The following PDE10A variants were observed in gnomAD, a reference collection of about 807,000 sequenced individuals.
PDE10A encodes phosphodiesterase 10A, also known as cAMP and cAMP-inhibited cGMP 3',5'-cyclic phosphodiesterase 10A.
Under a neutral mutation model 97.7 loss-of-function variants are expected in PDE10A, and 39 were observed. The ratio of observed to expected loss-of-function variants is 0.40; its 90% CI spans 0.31 to 0.52. The LOEUF is 0.52. Among genes scored for constraint, PDE10A ranks in the 20% least tolerant of loss-of-function variants. PDE10A has a pLI of 0.56. For synonymous variants in PDE10A, 371 were observed against 376.8 expected (o/e 0.98, Z 0.18); for missense variants, 731 against 1,047.8 (o/e 0.70, Z 4.17).
chr6:165,654,745 T>C (rs970863817), intron 1 of PDE10A, among the ~76,000 whole-genome samples: 2 of 152,142 alleles, frequency 1.3e-5, no homozygotes, highest in Non-Finnish European at 2.9e-5. Flanking sequence ...CATCAGGTAT[T>C]ATCCATGCCA....
chr6:165,458,681 ACACT>A (rs1192885959), intron 3 of PDE10A, among the ~76,000 whole-genome samples: 3 of 151,734 alleles, frequency 2.0e-5, no homozygotes, highest in Admixed American at 1.3e-4. Flanking sequence ...ACACACACAC[ACACT>A]CACACACACA....
chr6:165,532,297 T>C (rs923993628), intron 2 of PDE10A, among the ~76,000 whole-genome samples: 8 of 151,594 alleles, frequency 5.3e-5, no homozygotes, highest in African/African-American at 1.7e-4. Context: ...GGAGAATAGA[T>C]AGATTCTCCT....
intron 1 of PDE10A, among the ~76,000 whole-genome samples, chr6:165,791,236 A>G (rs1778641240): frequency 6.6e-6 from 1 of 151,806 alleles, no homozygotes; most frequent in South Asian, 2.1e-4. Context: ...AGGTGGGAGG[A>G]CAGCTTGAGG....
intron 1 of PDE10A, among the ~76,000 whole-genome samples, chr6:165,589,086 C>T (rs1308684335): frequency 6.6e-6 from 1 of 152,188 alleles, no homozygotes; most frequent in Non-Finnish European, 1.5e-5. Context: ...CATATACAAG[C>T]TCACTTGTAC....
At chr6:165,849,978 A>G (rs1780531904) in intron 1 of PDE10A, among the ~76,000 whole-genome samples, 1 of 152,192 alleles carries the variant, frequency 6.6e-6, no homozygotes, top group African/African-American at 2.4e-5. Flanking sequence ...TCAAAGTTTA[A>G]CAAAATCCAT....
intron 17 of PDE10A, among the ~76,000 whole-genome samples, chr6:165,381,440 G>A (rs1169243189): frequency 6.6e-6 from 1 of 152,050 alleles, no homozygotes; most frequent in Admixed American, 6.6e-5. Context: ...ATTTACAAGA[G>A]TAAAGGGAAT....
chr6:165,439,774 A>G (rs2128242515), intron 5 of PDE10A, among the ~76,000 whole-genome samples: 1 of 152,380 alleles, frequency 6.6e-6, no homozygotes, highest in African/African-American at 2.4e-5. Flanking sequence ...GGACTTAAAA[A>G]GCATTCAAAT....
intron 1 of PDE10A, chr6:165,780,916 G>C (rs1778325206): frequency 6.6e-6 from 1 of 152,246 alleles, no homozygotes; most frequent in Non-Finnish European, 1.5e-5. Context: ...GGTATGGTTG[G>C]CTTTTCCCCA....
intron 1 of PDE10A, among the ~76,000 whole-genome samples, chr6:165,826,644 G>GC (rs1260782499): frequency 6.6e-6 from 1 of 152,102 alleles, no homozygotes; most frequent in East Asian, 1.9e-4. Context: ...TGCGGGGGAG[G>GC]CCGAGGTACC....
chr6:165,668,655 T>C (rs1331084086), intron 1 of PDE10A, among the ~76,000 whole-genome samples: 1 of 149,256 alleles, frequency 6.7e-6, no homozygotes, highest in Non-Finnish European at 1.5e-5. Context: ...TCCTTTCTCT[T>C]TACAGAGAAA....
At chr6:165,765,001 A>G (rs1395318762) in intron 1 of PDE10A, among the ~76,000 whole-genome samples, 1 of 152,158 alleles carries the variant, frequency 6.6e-6, no homozygotes, top group Non-Finnish European at 1.5e-5. Flanking sequence ...TTAGTTAGAT[A>G]CAGAGTGTGG....
chr6:165,932,967 G>A (rs186419005), intron 1 of PDE10A, among the ~76,000 whole-genome samples: 1 of 152,188 alleles, frequency 6.6e-6, no homozygotes, highest in Non-Finnish European at 1.5e-5. Flanking sequence ...AGGAGGGAGA[G>A]AGCCAGGCAG....
intron 5 of PDE10A, among the ~76,000 whole-genome samples, chr6:165,438,440 A>G (rs1790197915): frequency 6.6e-6 from 1 of 152,168 alleles, no homozygotes; most frequent in Admixed American, 6.5e-5. Context: ...CACCCGCCTC[A>G]GCCTCCCAAA....
chr6:165,638,243 T>C (rs2983517), intron 1 of PDE10A, among the ~76,000 whole-genome samples: 36,430 of 151,982 alleles, frequency 0.24, 4,582 homozygotes, highest in Middle Eastern at 0.4. Context: ...ATGATTCTAC[T>C]ATGCAACACA....
intron 1 of PDE10A, among the ~76,000 whole-genome samples, chr6:165,569,663 C>A (rs1784956111): frequency 6.6e-6 from 1 of 152,058 alleles, no homozygotes; most frequent in Non-Finnish European, 1.5e-5. Context: ...AAACTCATAC[C>A]CTCCTCTTAA....
intron 1 of PDE10A, among the ~76,000 whole-genome samples, chr6:165,596,307 C>T (rs1786590471): frequency 6.6e-6 from 1 of 152,254 alleles, no homozygotes; most frequent in Non-Finnish European, 1.5e-5. Context: ...ACCACCAGCC[C>T]TTGCCTGGTT....
chr6:165,506,591 T>C (rs1025268424), intron 2 of PDE10A, among the ~76,000 whole-genome samples: 1 of 152,138 alleles, frequency 6.6e-6, no homozygotes, highest in Admixed American at 6.6e-5. Flanking sequence ...AAAGAAAAAT[T>C]GTTCTTGAGA....
At chr6:165,339,478 T>G (rs1781848304) in intron 19 of PDE10A, 120 bp from the exon 20 acceptor site, 1 of 682,428 alleles carries the variant, frequency 1.5e-6, no homozygotes. Context: ...TGTTTGTGGT[T>G]GTTAACCCAA....
chr6:165,482,534 T>A (rs1779667324), intron 2 of PDE10A, among the ~76,000 whole-genome samples, 191 bp from the exon 3 acceptor site: 1 of 152,244 alleles, frequency 6.6e-6, no homozygotes, highest in South Asian at 2.1e-4. Flanking sequence ...AAGTATACAT[T>A]AATTTCACAG....
Sources: gnomAD v4.1 joint callset for allele counts (sites outside exome capture counted in the v4.1 genomes callset) on GRCh38, gnomAD v4.1.1 for gene constraint, MANE v1.5 for transcripts, NCBI Gene and HGNC (gene_info 2026-07-23, HGNC 2026-07-21) for gene names.